The following SLC12A6 variants were observed in gnomAD, a reference collection of about 807,000 sequenced individuals.
SLC12A6 encodes solute carrier family 12 member 6, also known as K-Cl cotransporter 3.
SLC12A6 carries 66 observed loss-of-function variants against 135.3 expected under a neutral mutation model. That is an observed-to-expected ratio of 0.49 (90% CI 0.40 to 0.60). The LOEUF is 0.60. Among genes scored for constraint, SLC12A6 ranks in the 20% least tolerant of loss-of-function variants. SLC12A6 has a pLI of 0.00. For missense variants in SLC12A6, 1,058 were observed against 1,452.3 expected, an observed-to-expected ratio of 0.73 and a Z score of 4.41; for synonymous variants, 513 against 508.8, an observed-to-expected ratio of 1.01 and a Z score of -0.11.
At position 34,250,346 on chromosome 15, in the gene SLC12A6, T is replaced by C. The variant is rs778821191; in HGVS notation, c.1601A>G (p.Asn534Ser). The change falls in exon 13 of 26, where the codon AAT becomes AGT. Residue 534 changes from asparagine to serine, a missense_variant. By Grantham distance (46) the Asn-to-Ser change is conservative. Around this residue, in one of 6 missense-constraint regions of SLC12A6, gnomAD observed 297 missense variants for 318.5 expected, o/e 0.93. Transcript: ENST00000354181. ...AATACATGCACCAAAAAGGACAACA[T>C]TGCTTAAATCTACCATATTGAGAGT... ...ILTTSFVYLS[N>S]VVLFGACIEG... 198 of 1,589,702 alleles carry C rather than the reference T, an allele frequency of 1.2e-4. 1 individual carries two copies. In the Admixed American group the frequency reaches 3.1e-3, roughly 25 times the overall value.
chr15:34,323,255 G>C (rs148975888), intron 2 of SLC12A6, among the ~76,000 whole-genome samples: 1,802 of 152,168 alleles, frequency 0.012, 14 homozygotes, highest in Middle Eastern at 0.037. Flanking sequence ...AAAAACCGCT[G>C]AAACAGTGCT....
At chr15:34,245,195 G>A (rs1891897937) in intron 15 of SLC12A6, 90 bp downstream of exon 15, 1 of 817,922 alleles carries the variant, frequency 1.2e-6, no homozygotes, top group African/African-American at 1.7e-5. Context: ...AGCCCACTCT[G>A]TTATCACTAC....
At chr15:34,246,277 C>T (rs759533290) in intron 13 of SLC12A6, among the ~76,000 whole-genome samples, 20 of 151,828 alleles carry the variant, frequency 1.3e-4, no homozygotes, top group Non-Finnish European at 2.5e-4. Context: ...AAAAGTGAGA[C>T]AAATAATATT....
At chr15:34,273,223 C>T (rs528833674) in intron 3 of SLC12A6, among the ~76,000 whole-genome samples, 14 of 152,172 alleles carry the variant, frequency 9.2e-5, no homozygotes, top group African/African-American at 2.9e-4. Flanking sequence ...CTGTGGCGTG[C>T]ACCTGTAGTC....
At chr15:34,336,307 TATAATC>T in intron 2 of SLC12A6, 97 bp downstream of exon 2, 2 of 957,418 alleles carry the variant, frequency 2.1e-6, no homozygotes, top group Admixed American at 1.9e-5. Flanking sequence ...TGATGACTAT[TATAATC>T]ATAATTATAT....
At position 34,301,671 on chromosome 15, in the gene SLC12A6, C is replaced by T. The variant is rs989273021; in HGVS notation, c.272-26282G>A. ...TTTACTTAGCAATCGTCTCTTTGAT[C>T]CATCTGACTTATTTTAAAGAAAAGA... On this transcript the variant is annotated intron_variant, in intron 2 of 25. Coordinates refer to ENST00000354181, the MANE Select transcript of SLC12A6 (RefSeq NM_001365088.1). 6.6e-5 allele frequency among the ~76,000 whole-genome samples: 10 copies of T among 152,314 alleles called. No homozygotes were observed. The East Asian group carries it at 1.9e-3, about 29-fold the overall frequency.
intron 2 of SLC12A6, among the ~76,000 whole-genome samples, chr15:34,277,710 T>C (rs1016986238): frequency 6.6e-6 from 1 of 152,214 alleles, no homozygotes; most frequent in Non-Finnish European, 1.5e-5. Flanking sequence ...TCACATCATT[T>C]ATTTTTCTCT....
intron 2 of SLC12A6, among the ~76,000 whole-genome samples, chr15:34,298,171 T>C (rs1895999915): frequency 6.8e-6 from 1 of 147,398 alleles, no homozygotes; most frequent in African/African-American, 2.6e-5. Context: ...TAAGTACAAA[T>C]ACTGTGGGAC....
intron 2 of SLC12A6, among the ~76,000 whole-genome samples, chr15:34,302,462 G>C (rs1459199507): frequency 6.6e-6 from 1 of 152,154 alleles, no homozygotes; most frequent in Non-Finnish European, 1.5e-5. Flanking sequence ...TTGGGAGGCC[G>C]AGGCGGGTGG....
chr15:34,253,093 T>G (rs1425141440), intron 9 of SLC12A6, among the ~76,000 whole-genome samples: 1 of 152,158 alleles, frequency 6.6e-6, no homozygotes, highest in Admixed American at 6.5e-5. Context: ...GACACAAATA[T>G]AAACAAAGGA....
chr15:34,286,580 A>C (rs367800005), intron 2 of SLC12A6, among the ~76,000 whole-genome samples: 15 of 151,654 alleles, frequency 9.9e-5, no homozygotes, highest in Non-Finnish European at 4.4e-5. Context: ...GGATCACTTG[A>C]GGTCAGGAGT....
chr15:34,272,446 C>G (rs1894029096), intron 3 of SLC12A6, among the ~76,000 whole-genome samples: 1 of 152,134 alleles, frequency 6.6e-6, no homozygotes, highest in Non-Finnish European at 1.5e-5. Context: ...AGACAGAAGA[C>G]AGAAGAGGAT....
intron 2 of SLC12A6, among the ~76,000 whole-genome samples, chr15:34,288,382 G>A (rs966634268): frequency 5.9e-5 from 9 of 152,220 alleles, no homozygotes. Context: ...TTTGGATACT[G>A]TAGCCTCGTA....
intron 13 of SLC12A6, among the ~76,000 whole-genome samples, chr15:34,249,027 T>C (rs1485206817): frequency 2.0e-5 from 3 of 152,154 alleles, no homozygotes; most frequent in African/African-American, 4.8e-5. Flanking sequence ...GAGGGCCAGA[T>C]TACAGTGATG....
intron 2 of SLC12A6, among the ~76,000 whole-genome samples, chr15:34,296,647 C>T (rs1895893753): frequency 1.3e-5 from 2 of 152,160 alleles, no homozygotes; most frequent in African/African-American, 2.4e-5. Context: ...CATGGAACTA[C>T]ACAGTGACCA....
At chr15:34,240,517 A>G (rs1655336689) in intron 19 of SLC12A6, 144 bp downstream of exon 19, 6 of 690,956 alleles carry the variant, frequency 8.7e-6, no homozygotes, top group Non-Finnish European at 1.5e-5. Context: ...TATTTGGGAA[A>G]AAGTGTCCTT....
intron 2 of SLC12A6, among the ~76,000 whole-genome samples, chr15:34,291,122 G>C (rs1037303607): frequency 3.3e-5 from 5 of 152,252 alleles, no homozygotes; most frequent in Admixed American, 2.6e-4. Context: ...GCTGGTACCA[G>C]TTGTTCGTAT....
intron 13 of SLC12A6, among the ~76,000 whole-genome samples, chr15:34,248,553 T>C (rs1284084097): frequency 1.1e-5 from 1 of 89,528 alleles, no homozygotes; most frequent in Admixed American, 1.4e-4. Context: ...TATACATACA[T>C]ATATACACCC....
intron 2 of SLC12A6, among the ~76,000 whole-genome samples, chr15:34,300,028 C>G (rs1028053723): frequency 1.2e-4 from 18 of 151,706 alleles, no homozygotes; most frequent in African/African-American, 4.1e-4. Flanking sequence ...ACTAAATGAG[C>G]AAAAATCGGC....
Sources: allele counts gnomAD v4.1 joint callset (sites outside exome capture counted in the v4.1 genomes callset), GRCh38; gene constraint gnomAD v4.1.1; regional missense constraint gnomAD v4.1.1; transcripts MANE v1.5; gene names NCBI Gene and HGNC (gene_info 2026-07-23, HGNC 2026-07-21).